Variants in SPACA7 observed in about 807,000 individuals in gnomAD.
SPACA7 encodes the protein sperm acrosome-associated protein 7.
SPACA7 carries 19 observed loss-of-function variants against 26.3 expected under a neutral mutation model. The ratio of observed to expected loss-of-function variants is 0.72; its 90% CI spans 0.50 to 1.06. SPACA7 has a LOEUF of 1.06. Ranked by LOEUF, SPACA7 falls within the 50% of genes least tolerant of loss-of-function variation. SPACA7 has a pLI of 0.00. For synonymous variants in SPACA7, 84 were observed against 84.5 expected, an observed-to-expected ratio of 0.99 and a Z score of 0.04; for missense variants, 211 against 229.9, an observed-to-expected ratio of 0.92 and a Z score of 0.53.
At position 112,419,936 on chromosome 13, in the gene SPACA7, A is replaced by G. The variant is rs74537802; in HGVS notation, c.446-12508A>G. ...AAGGCTAAAGGGAAATAGAAACACTACGAAAGTCTCTGGCCCCCTAGCTCA... is the reference window on the plus strand; with the variant it reads ...AAGGCTAAAGGGAAATAGAAACACTGCGAAAGTCTCTGGCCCCCTAGCTCA... On this transcript the variant is annotated intron_variant, in intron 5 of 6. Coordinates refer to ENST00000283550, the MANE Select transcript of SPACA7 (RefSeq NM_145248.5). Among the ~76,000 whole-genome samples, 383 of 152,312 alleles carry G rather than the reference A, an allele frequency of 2.5e-3. 16 individuals are homozygous for G. In the East Asian group the frequency reaches 0.068, roughly 27 times the overall value.
chr13:112,400,398 C>T (rs914905208), intron 4 of SPACA7, among the ~76,000 whole-genome samples: 6 of 152,198 alleles, frequency 3.9e-5, no homozygotes, highest in African/African-American at 1.4e-4. Flanking sequence ...CTCTTTCTGC[C>T]ATTGCTTCTC....
intron 1 of SPACA7, among the ~76,000 whole-genome samples, chr13:112,381,825 T>C (rs1359984947): frequency 6.6e-6 from 1 of 152,162 alleles, no homozygotes; most frequent in Non-Finnish European, 1.5e-5. Context: ...CAAGATCAGA[T>C]GAGCCACTTT....
In SPACA7 at chr13:112,386,138, A is replaced by G. The variant is rs72669272; in HGVS notation, c.95-6883A>G. Reference sequence around the variant, plus strand: ...TGCGCATTTTATTGCGAGGCAACCCAAAGCCAGTCAGCCCATGTTGTAATT... The same window carrying G: ...TGCGCATTTTATTGCGAGGCAACCCGAAGCCAGTCAGCCCATGTTGTAATT... On this transcript the variant is annotated intron_variant, in intron 1 of 6. Transcript: ENST00000283550. Among the ~76,000 whole-genome samples the G allele has an allele frequency of 5.8e-3, 878 of 152,374 alleles. 8 individuals are homozygous for G. Among genetic ancestry groups the G allele is most frequent in the Non-Finnish European group, 9.4e-3 (639 of 68,038 alleles).
intron 5 of SPACA7, among the ~76,000 whole-genome samples, chr13:112,406,773 G>A (rs948327231): frequency 6.6e-6 from 1 of 152,074 alleles, no homozygotes; most frequent in Non-Finnish European, 1.5e-5. Flanking sequence ...AAAATTATGT[G>A]GATTGTGTTA....
At chr13:112,389,838 A>G (rs555951476) in intron 1 of SPACA7, among the ~76,000 whole-genome samples, 7 of 152,344 alleles carry the variant, frequency 4.6e-5, no homozygotes, top group African/African-American at 1.4e-4. Context: ...GGATATGTTG[A>G]GGTTACCCAC....
At chr13:112,432,576 C>T in intron 6 of SPACA7, 55 bp downstream of exon 6, 1 of 1,353,610 alleles carries the variant, frequency 7.4e-7, no homozygotes, top group Non-Finnish European at 1.1e-6. Context: ...TTTTCCTGCT[C>T]AAGGGACAGG....
At chr13:112,395,854 T>A (rs1186020354) in intron 2 of SPACA7, among the ~76,000 whole-genome samples, 9 of 152,044 alleles carry the variant, frequency 5.9e-5, no homozygotes, top group African/African-American at 1.9e-4. Flanking sequence ...GCAGTTAGAC[T>A]TGGTTTTAAA....
At chr13:112,425,362 G>A (rs574914829) in intron 5 of SPACA7, among the ~76,000 whole-genome samples, 1 of 152,332 alleles carries the variant, frequency 6.6e-6, no homozygotes, top group African/African-American at 2.4e-5. Flanking sequence ...GGACCATGAA[G>A]CCGATACAAC....
chr13:112,414,962 A>G (rs1329821351), intron 5 of SPACA7, among the ~76,000 whole-genome samples: 1 of 152,176 alleles, frequency 6.6e-6, no homozygotes, highest in Non-Finnish European at 1.5e-5. Context: ...AGGACCTTTC[A>G]TTGATTCAAA....
At chr13:112,434,098 G>A (rs2139099690) in intron 6 of SPACA7, among the ~76,000 whole-genome samples, 1 of 152,258 alleles carries the variant, frequency 6.6e-6, no homozygotes, top group Middle Eastern at 3.4e-3. Context: ...CAGAGCCCTG[G>A]CAATGTTGGA....
intron 5 of SPACA7, among the ~76,000 whole-genome samples, chr13:112,404,978 C>CTTTTTTTTTTTTTTTT (rs373253878): frequency 2.1e-5 from 2 of 94,256 alleles, no homozygotes; most frequent in African/African-American, 8.8e-5. Flanking sequence ...GTATTCTCTT[C>CTTTTTTTTTTTTTTTT]TTTTTTTTTT....
At chr13:112,433,499 G>A (rs1877398733) in intron 6 of SPACA7, among the ~76,000 whole-genome samples, 1 of 151,278 alleles carries the variant, frequency 6.6e-6, no homozygotes, top group Non-Finnish European at 1.5e-5. Flanking sequence ...AAGCATTGGG[G>A]TTCTGACTTT....
chr13:112,400,557 C>T (rs1048440503), intron 4 of SPACA7, among the ~76,000 whole-genome samples: 5 of 152,140 alleles, frequency 3.3e-5, no homozygotes, highest in African/African-American at 9.7e-5. Context: ...GATTGTGAGC[C>T]AAGAACTGGA....
chr13:112,381,727 T>TG (rs1021030875), intron 1 of SPACA7, among the ~76,000 whole-genome samples: 8 of 152,152 alleles, frequency 5.3e-5, no homozygotes. Flanking sequence ...GGGAAGCCAG[T>TG]GAGGCAAGAG....
intron 1 of SPACA7, among the ~76,000 whole-genome samples, chr13:112,378,096 C>A (rs1566447786): frequency 6.6e-6 from 1 of 152,068 alleles, no homozygotes; most frequent in East Asian, 1.9e-4. Context: ...CCAGCTTCAG[C>A]CTTTCCAGAT....
chr13:112,387,251 G>C (rs976775451), intron 1 of SPACA7, among the ~76,000 whole-genome samples: 5 of 152,166 alleles, frequency 3.3e-5, no homozygotes, highest in African/African-American at 1.2e-4. Context: ...GAAACCAAGG[G>C]AAAGTAACTG....
chr13:112,419,671 G>T (rs1470325693), intron 5 of SPACA7, among the ~76,000 whole-genome samples: 1 of 152,202 alleles, frequency 6.6e-6, no homozygotes, highest in Non-Finnish European at 1.5e-5. Context: ...GAAGAGACAA[G>T]AAATACCACC....
At chr13:112,414,947 T>C (rs1323895382) in intron 5 of SPACA7, among the ~76,000 whole-genome samples, 3 of 152,214 alleles carry the variant, frequency 2.0e-5, no homozygotes, top group Non-Finnish European at 4.4e-5. Context: ...CTACCCATCC[T>C]TCAGAGGACC....
In SPACA7 at chr13:112,431,137, G is replaced by C. The variant is rs558756323; in HGVS notation, c.446-1307G>C. Among the ~76,000 whole-genome samples the C allele has an allele frequency of 2.1e-4, 32 of 152,310 alleles. No homozygotes were observed. The South Asian group carries it at 6.6e-3, about 32-fold the overall frequency. ...AACTTAAAAATTGTTCAATGGGCTT[G>C]TGTCCTTATTAAACATATAAACTGA... On this transcript the variant is annotated intron_variant, in intron 5 of 6. Coordinates refer to ENST00000283550, the MANE Select transcript of SPACA7 (RefSeq NM_145248.5).
Sources: gnomAD v4.1 joint callset for allele counts (sites outside exome capture counted in the v4.1 genomes callset) on GRCh38, gnomAD v4.1.1 for gene constraint, MANE v1.5 for transcripts, NCBI Gene and HGNC (gene_info 2026-07-23, HGNC 2026-07-21) for gene names.